The following CELSR2 variants were observed in gnomAD, a reference collection of about 807,000 sequenced individuals.
CELSR2 encodes cadherin EGF LAG seven-pass G-type receptor 2, also known as EGF-like protein 2.
A neutral mutation model predicts 251.6 loss-of-function variants in CELSR2; 81 were observed. The ratio of observed to expected loss-of-function variants is 0.32; its 90% CI spans 0.27 to 0.39. The LOEUF is 0.39. Among genes scored for constraint, CELSR2 ranks in the 10% least tolerant of loss-of-function variants. The pLI is 1.00. For missense variants in CELSR2, 3,365 were observed against 3,947.7 expected, an observed-to-expected ratio of 0.85 and a Z score of 3.96; for synonymous variants, 1,721 against 1,670.5, an observed-to-expected ratio of 1.03 and a Z score of -0.74.
In CELSR2 at chr1:109,249,632, G is replaced by A. The variant is rs962208231; in HGVS notation, c.-448G>A. Among the ~76,000 whole-genome samples, 1 of 146,798 alleles carries A rather than the reference G, an allele frequency of 6.8e-6. No homozygotes were observed. Among genetic ancestry groups the A allele is most frequent in the Admixed American group, 6.8e-5 (1 of 14,778 alleles). The stretch of plus-strand genomic sequence containing the variant: ...AGCAGCCGCGGCGGGGACGCGGGGC[G>A]CGAGCGGGCGGCGCGGGACCGTCGG... On this transcript the variant is annotated 5_prime_UTR_variant, in exon 1 of 34. Coordinates refer to ENST00000271332, the MANE Select transcript of CELSR2 (RefSeq NM_001408.3).
chr1:109,270,386 C>A, intron 23 of CELSR2, 40 bp from the exon 24 acceptor site: 4 of 1,605,328 alleles, frequency 2.5e-6, no homozygotes, highest in Non-Finnish European at 3.4e-6. Context: ...GTGCTCTGGG[C>A]GGGCCCCGGT....
chr1:109,263,754 G>A lies in CELSR2; in HGVS notation c.4978G>A (p.Gly1660Arg), dbSNP rs1656099048. ...TGTCCTGCTGCAGGCCATCACCAGGGGGCGCAGCACCATCACCCTACAGGT... is the reference window on the plus strand; with the variant it reads ...TGTCCTGCTGCAGGCCATCACCAGGAGGCGCAGCACCATCACCCTACAGGT... The part of the protein sequence containing the change: ...DGVLLQAITR[G>R]RSTITLQLRE... Residue 1660 changes from glycine to arginine, a missense_variant, in exon 9 of 34, where the codon GGG becomes AGG. By Grantham distance (125) the Gly-to-Arg change is moderately radical. Coordinates refer to ENST00000271332, the MANE Select transcript of CELSR2 (RefSeq NM_001408.3). 3 of 1,613,452 alleles carry A rather than the reference G, an allele frequency of 1.9e-6. No individual in the cohort carries two copies. The highest frequency in any genetic ancestry group is 1.3e-5 in the African/African-American group (1 of 74,940).
At chr1:109,262,566 C>T in intron 6 of CELSR2, 122 bp downstream of exon 6, 2 of 1,413,204 alleles carry the variant, frequency 1.4e-6, no homozygotes, top group Non-Finnish European at 1.9e-6. Context: ...CCTGCTCAGC[C>T]CTGGGGATGG....
At position 109,258,452 on chromosome 1, in the gene CELSR2, G is replaced by A. The variant is rs746280059; in HGVS notation, c.3331G>A (p.Ala1111Thr). The stretch of plus-strand genomic sequence containing the variant: ...CACAGACGGCGTACACAGCGTGACC[G>A]CCCAGTGCGCGCTGCGTGTGACCAT... ...LVSDGVHSVTAQCALRVTIIT... is the reference protein window; with the variant it reads ...LVSDGVHSVTTQCALRVTIIT... Residue 1111 changes from alanine (A) to threonine (T), a missense_variant, in exon 2 of 34, where the codon GCC (alanine) becomes ACC (threonine). Physicochemically the swap from Ala to Thr is moderately conservative, Grantham distance 58 (BLOSUM62 0). Transcript: ENST00000271332. 4 of 1,595,272 alleles carry A rather than the reference G, an allele frequency of 2.5e-6. No homozygotes were observed. Among genetic ancestry groups the A allele is most frequent in the South Asian group, 2.3e-5 (2 of 88,160 alleles).
chr1:109,251,307 G>A lies in CELSR2; in HGVS notation c.1228G>A (p.Glu410Lys). ...GAAGCGCTATGTGGTCCAGGTGAGG[G>A]AGGATGTGACTCCAGGGGCCCCAGT... ...SEKRYVVQVREDVTPGAPVLR... is the reference protein window; with the variant it reads ...SEKRYVVQVRKDVTPGAPVLR... Residue 410 changes from glutamate to lysine, a missense_variant, in exon 1 of 34, where the codon GAG becomes AAG. By Grantham distance (56) the Glu-to-Lys change is moderately conservative (BLOSUM62 1). Around this residue, in one of 5 missense-constraint regions of CELSR2, gnomAD observed 704 missense variants for 784.1 expected, o/e 0.90. Coordinates refer to ENST00000271332, the MANE Select transcript of CELSR2 (RefSeq NM_001408.3). This position sits in a 1 kb window ranked among gnomAD's most constrained non-coding sequence, Gnocchi z 4.9. 1 of 1,614,142 alleles carries A rather than the reference G, an allele frequency of 6.2e-7. No individual in the cohort carries two copies. Among genetic ancestry groups the A allele is most frequent in the Non-Finnish European group, 8.5e-7 (1 of 1,180,026 alleles).
rs376281156 is a variant in CELSR2, at chr1:109,269,217, G to A, written c.6739G>A (p.Ala2247Thr). 1 of 1,612,772 alleles carries A rather than the reference G, an allele frequency of 6.2e-7. No homozygotes were observed. The highest frequency in any genetic ancestry group is 1.3e-5 in the African/African-American group (1 of 74,926). ...GGAGCTGAGCCAGGGTGAGGCTGTG[G>A]CCAGCGTCATCATCTACCGCACCCT... ...HPELSQGEAV[A>T]SVIIYRTLAG... The change falls in exon 20 of 34, where the codon GCC (alanine) becomes ACC (threonine). Residue 2247 changes from alanine (A) to threonine (T), a missense_variant. Ala to Thr is a moderately conservative substitution (Grantham distance 58). Around this residue, in one of 5 missense-constraint regions of CELSR2, gnomAD observed 2,093 missense variants for 2,382.8 expected, o/e 0.88. Coordinates refer to ENST00000271332, the MANE Select transcript of CELSR2 (RefSeq NM_001408.3). The surrounding 1 kb of genome is among the most constrained non-coding windows in gnomAD (Gnocchi z 6.4).
chr1:109,267,072 A>T (rs528661237), intron 15 of CELSR2, among the ~76,000 whole-genome samples: 83 of 152,098 alleles, frequency 5.5e-4, no homozygotes, highest in Non-Finnish European at 1.0e-3. Flanking sequence ...TGTGCTTGGC[A>T]TAGGGCTGTG....
At chr1:109,260,167 TGGTGGGGGGGGTTG>T in intron 2 of CELSR2, among the ~76,000 whole-genome samples, 1 of 6,572 alleles carries the variant, frequency 1.5e-4, no homozygotes, top group East Asian at 4.1e-3. Flanking sequence ...TCCAGGAGGA[TGGTGGGGGGGGTTG>T]GGAGGGGGGG....
At chr1:109,254,331 C>G (rs140650931) in intron 1 of CELSR2, among the ~76,000 whole-genome samples, 1 of 152,284 alleles carries the variant, frequency 6.6e-6, no homozygotes, top group Non-Finnish European at 1.5e-5. Context: ...GGAGCCTGGC[C>G]GGAACCCAGG....
At chr1:109,272,088 G>A (rs745902711) in intron 28 of CELSR2, among the ~76,000 whole-genome samples, 190 bp from the exon 29 acceptor site, 1 of 152,184 alleles carries the variant, frequency 6.6e-6, no homozygotes, top group Non-Finnish European at 1.5e-5. Flanking sequence ...TGCAGGGGTA[G>A]CACAGCTGTG....
Position 109,274,383 on chromosome 1 carries a change from G to A in CELSR2, c.*334G>A, listed in dbSNP as rs1037446498. The A allele has an allele frequency of 4.9e-5, 20 of 404,152 alleles. No individual in the cohort carries two copies. Among genetic ancestry groups the A allele is most frequent in the Non-Finnish European group, 7.0e-5 (16 of 228,830 alleles). 25.0% of individuals were successfully genotyped at this position (404,152 alleles called of 1,614,324 possible). A position where few individuals can be genotyped will look rare whatever the true frequency, so the allele number is the denominator to read the frequency against. Reference sequence around the variant, plus strand: ...CTTCAGGGATTCATTTTTTTTATACGCTGGAAATTGACTCCCCTTTCCCTT... The same window carrying A: ...CTTCAGGGATTCATTTTTTTTATACACTGGAAATTGACTCCCCTTTCCCTT... On this transcript the variant is annotated 3_prime_UTR_variant, in exon 34 of 34. Coordinates refer to ENST00000271332, the MANE Select transcript of CELSR2 (RefSeq NM_001408.3).
rs779999000 is a variant in CELSR2 at position 109,269,455 on chromosome 1, G to A, written c.6844G>A (p.Val2282Met). 31 of 1,614,048 alleles carry A rather than the reference G, an allele frequency of 1.9e-5. No homozygotes were observed. Among genetic ancestry groups the A allele is most frequent in the East Asian group, 4.5e-5 (2 of 44,888 alleles). Residue 2282 changes from valine (V) to methionine (M), a missense_variant, in exon 21 of 34, where the codon GTG becomes ATG. By Grantham distance (21) the Val-to-Met change is conservative (BLOSUM62 1). This residue lies in a region of CELSR2 where 2,093 missense variants were observed against 2,382.8 expected (regional missense o/e 0.88). Coordinates refer to ENST00000271332, the MANE Select transcript of CELSR2 (RefSeq NM_001408.3). The surrounding 1 kb of genome is among the most constrained non-coding windows in gnomAD (Gnocchi z 6.4). ...VPKRPIINTPVVSISVHDDEE... is the reference protein window; with the variant it reads ...VPKRPIINTPMVSISVHDDEE... ...CAAACGCCCGATCATCAACACACCC[G>A]TGGTGAGCATCAGCGTCCATGATGA... is the stretch of plus-strand genomic sequence containing the variant.
chr1:109,265,653 C>T, intron 13 of CELSR2, 82 bp from the exon 14 acceptor site: 1 of 1,522,702 alleles, frequency 6.6e-7, no homozygotes, highest in South Asian at 1.3e-5. Context: ...ACCCTCTCCA[C>T]AGGGGCCACA....
chr1:109,252,783 C>A lies in CELSR2; in HGVS notation c.2704C>A (p.Arg902Ser). 6.2e-7 allele frequency: 1 copy of A among 1,614,008 alleles called. No individual in the cohort carries two copies. Among genetic ancestry groups the A allele is most frequent in the South Asian group, 1.1e-5 (1 of 91,088 alleles). Residue 902 changes from arginine (R) to serine (S), a missense_variant, in exon 1 of 34, where the codon CGC becomes AGC. Physicochemically the swap from Arg to Ser is moderately radical, Grantham distance 110 (BLOSUM62 -1). Transcript: ENST00000271332. This position sits in a 1 kb window ranked among gnomAD's most constrained non-coding sequence, Gnocchi z 4.8. ...YAVDKGMPPA[R>S]TPMEVTVTVL... ...AGTGGACAAGGGGATGCCCCCAGCC[C>A]GCACACCTATGGAAGTGACAGTCAC...
In CELSR2 at chr1:109,267,852, C is replaced by T; in HGVS notation, c.6110C>T (p.Ala2037Val). Residue 2037 changes from alanine (A) to valine (V), a missense_variant and splice_region_variant, in exon 17 of 34, where the codon GCT becomes GTT. By Grantham distance (64) the Ala-to-Val change is moderately conservative (BLOSUM62 0). This residue lies in a region of CELSR2 where 2,093 missense variants were observed against 2,382.8 expected (regional missense o/e 0.88). Transcript: ENST00000271332. The stretch of plus-strand genomic sequence containing the variant: ...GCTCCTCCGCTCCGTCCTGTCTAGG[C>T]TGAGCGGCTACAGCGGAATGAGTCA... Reference protein sequence around the residue: ...SITFSELKGFAERLQRNESGL... With the variant: ...SITFSELKGFVERLQRNESGL... 6.2e-7 allele frequency: 1 copy of T among 1,601,272 alleles called. No individual in the cohort carries two copies. Among genetic ancestry groups the T allele is most frequent in the Non-Finnish European group, 8.5e-7 (1 of 1,174,358 alleles).
Position 109,274,207 on chromosome 1 carries a change from G to T in CELSR2, c.*158G>T. On this transcript the variant is annotated 3_prime_UTR_variant, in exon 34 of 34. Coordinates refer to ENST00000271332, the MANE Select transcript of CELSR2 (RefSeq NM_001408.3). The stretch of plus-strand genomic sequence containing the variant: ...AGGAGCCTGGGCCTTGCCGGGAGGG[G>T]TACTCACCCCACCTAAGGCCATCTA... 4.5e-6 allele frequency: 7 copies of T among 1,546,054 alleles called. No individual in the cohort carries two copies. The highest frequency in any genetic ancestry group is 6.1e-6 in the Non-Finnish European group (7 of 1,150,186).
Position 109,250,278 on chromosome 1 carries a change from C to A in CELSR2, c.199C>A (p.Leu67Ile). The A allele has an allele frequency of 6.2e-7, 1 of 1,612,820 alleles. No homozygotes were observed. Among genetic ancestry groups the A allele is most frequent in the Non-Finnish European group, 8.5e-7 (1 of 1,179,862 alleles). The change falls in exon 1 of 34, where the codon CTC becomes ATC. Residue 67 changes from leucine (L) to isoleucine (I), a missense_variant. Coordinates refer to ENST00000271332, the MANE Select transcript of CELSR2 (RefSeq NM_001408.3). This position sits in a 1 kb window ranked among gnomAD's most constrained non-coding sequence, Gnocchi z 4.4. Reference sequence around the variant, plus strand: ...TCCATCCTCAGCGTCGAACCTCTGGCTCTACACCAGCCGCTGCAGGGATGC... The same window carrying A: ...TCCATCCTCAGCGTCGAACCTCTGGATCTACACCAGCCGCTGCAGGGATGC... ...LCPSSASNLWLYTSRCRDAGT... is the reference protein window; with the variant it reads ...LCPSSASNLWIYTSRCRDAGT...
In CELSR2 at chr1:109,251,750, T is replaced by C. The variant is rs776778559; in HGVS notation, c.1671T>C (p.Asn557=). Residue 557 remains asparagine, a synonymous_variant, in exon 1 of 34, where the codon AAT becomes AAC. Coordinates refer to ENST00000271332, the MANE Select transcript of CELSR2 (RefSeq NM_001408.3). This position sits in a 1 kb window ranked among gnomAD's most constrained non-coding sequence, Gnocchi z 4.9. ...ATGACTTCCCCTTCACCATCAACAATGGCACAGGCTGGATCTCTGTGGCTG... is the reference window on the plus strand; with the variant it reads ...ATGACTTCCCCTTCACCATCAACAACGGCACAGGCTGGATCTCTGTGGCTG... ...VGHDFPFTIN[N]GTGWISVAAE... The C allele has an allele frequency of 6.2e-7, 1 of 1,613,858 alleles. No individual in the cohort carries two copies. Among genetic ancestry groups the C allele is most frequent in the African/African-American group, 1.3e-5 (1 of 74,866 alleles).
In CELSR2 at chr1:109,251,444, T is replaced by C; in HGVS notation, c.1365T>C (p.Ala455=). 30 of 1,613,774 alleles carry C rather than the reference T, an allele frequency of 1.9e-5. No homozygotes were observed. The highest frequency in any genetic ancestry group is 2.5e-5 in the Non-Finnish European group (30 of 1,180,004). The part of the protein sequence containing the change: ...GQFYLDAQTG[A]LDVVSPLDYE... The stretch of plus-strand genomic sequence containing the variant: ...TTTATCTGGATGCCCAGACTGGAGC[T>C]CTGGATGTGGTGAGCCCTCTTGACT... Residue 455 remains alanine, a synonymous_variant, in exon 1 of 34, where the codon GCT becomes GCC. Coordinates refer to ENST00000271332, the MANE Select transcript of CELSR2 (RefSeq NM_001408.3). The surrounding 1 kb of genome is among the most constrained non-coding windows in gnomAD (Gnocchi z 4.9).
Sources: allele counts gnomAD v4.1 joint callset (sites outside exome capture counted in the v4.1 genomes callset), GRCh38; gene constraint gnomAD v4.1.1; regional missense constraint gnomAD v4.1.1; non-coding constraint Gnocchi (gnomAD v3.1); transcripts MANE v1.5; gene names NCBI Gene and HGNC (gene_info 2026-07-23, HGNC 2026-07-21).